Variants in ITPR2 observed in about 807,000 individuals in gnomAD.
ITPR2 encodes the protein inositol 1,4,5-trisphosphate receptor type 2, also known as inositol 1,4,5-trisphosphate-gated calcium channel ITPR2.
ITPR2 carries 207 observed loss-of-function variants against 317.1 expected under a neutral mutation model. The observed-to-expected ratio is 0.65, with a 90% confidence interval of 0.58 to 0.73. The LOEUF is 0.73. ITPR2 is among the 30% of genes least tolerant of loss of function. The pLI, the probability that ITPR2 is intolerant of heterozygous loss-of-function variation, is 0.00. For synonymous variants in ITPR2, 1,156 were observed against 1,149.1 expected (o/e 1.01, Z -0.12); for missense variants, 2,613 against 3,284.0 (o/e 0.80, Z 4.99).
intron 54 of ITPR2, among the ~76,000 whole-genome samples, chr12:26,393,471 TA>T (rs1157890861): frequency 4.0e-5 from 6 of 151,256 alleles, no homozygotes; most frequent in Non-Finnish European, 8.8e-5. Context: ...CAAGGTCCTT[TA>T]AGGGAAGGGA....
chr12:26,753,187 T>C (rs1384203883), intron 2 of ITPR2, among the ~76,000 whole-genome samples: 4 of 152,104 alleles, frequency 2.6e-5, no homozygotes, highest in Non-Finnish European at 5.9e-5. Flanking sequence ...TGACCTTGGG[T>C]TAAAGGCCTA....
chr12:26,767,212 C>T (rs1949736589), intron 2 of ITPR2, among the ~76,000 whole-genome samples: 1 of 152,126 alleles, frequency 6.6e-6, no homozygotes, highest in South Asian at 2.1e-4. Flanking sequence ...TACTGCAGTT[C>T]AAATTAAAGC....
At chr12:26,776,297 G>T (rs1334121744) in intron 2 of ITPR2, among the ~76,000 whole-genome samples, 1 of 152,100 alleles carries the variant, frequency 6.6e-6, no homozygotes, top group Non-Finnish European at 1.5e-5. Context: ...AATGAAGTTG[G>T]TTGGTTGCTC....
At chr12:26,451,956 C>T (rs1186560745) in intron 45 of ITPR2, among the ~76,000 whole-genome samples, 1 of 152,158 alleles carries the variant, frequency 6.6e-6, no homozygotes, top group Non-Finnish European at 1.5e-5. Context: ...AACTTTCCTA[C>T]AGACTGCTAA....
chr12:26,807,805 C>G (rs750625457), intron 1 of ITPR2, among the ~76,000 whole-genome samples: 1 of 152,140 alleles, frequency 6.6e-6, no homozygotes, highest in Non-Finnish European at 1.5e-5. Flanking sequence ...AAACTATTCA[C>G]GAAAGGTGCC....
At chr12:26,613,147 C>T (rs1946309554) in intron 26 of ITPR2, among the ~76,000 whole-genome samples, 1 of 152,130 alleles carries the variant, frequency 6.6e-6, no homozygotes, top group Non-Finnish European at 1.5e-5. Flanking sequence ...TGCACAAAGG[C>T]AAGTTAGCAT....
chr12:26,609,962 T>C (rs940446945), intron 26 of ITPR2, among the ~76,000 whole-genome samples: 1 of 152,174 alleles, frequency 6.6e-6, no homozygotes, highest in African/African-American at 2.4e-5. Flanking sequence ...GACATAAGTA[T>C]GGGAATATGT....
chr12:26,751,840 T>C (rs530962765), intron 2 of ITPR2, among the ~76,000 whole-genome samples: 12 of 150,370 alleles, frequency 8.0e-5, no homozygotes, highest in African/African-American at 2.7e-4. Flanking sequence ...CACTCCAGCC[T>C]GGGCGACAGA....
In ITPR2 at chr12:26,657,712, A is replaced by G. The variant is rs761002342; in HGVS notation, c.2187T>C (p.Tyr729=). 1.2e-6 allele frequency: 2 copies of G among 1,613,522 alleles called. No individual in the cohort carries two copies. Among genetic ancestry groups the G allele is most frequent in the East Asian group, 4.5e-5 (2 of 44,870 alleles). The change falls in exon 18 of 57, where the codon TAT becomes TAC. Residue 729 remains tyrosine (Y), a synonymous_variant. Transcript: ENST00000381340. ...GTKADLEVLT[Y]YRYQLNLFAR... ...GATTGTCTATAATACTTAACCTGTAATAGGTAAGAACTTCTAAGTCAGCTT... is the reference window on the plus strand; with the variant it reads ...GATTGTCTATAATACTTAACCTGTAGTAGGTAAGAACTTCTAAGTCAGCTT...
At chr12:26,363,489 G>T (rs973125361) in intron 55 of ITPR2, among the ~76,000 whole-genome samples, 2 of 150,716 alleles carry the variant, frequency 1.3e-5, no homozygotes, top group Non-Finnish European at 3.0e-5. Flanking sequence ...TGGAAAAATT[G>T]TCTTCCATGA....
At chr12:26,378,865 A>G (rs1222888130) in intron 55 of ITPR2, among the ~76,000 whole-genome samples, 2 of 151,806 alleles carry the variant, frequency 1.3e-5, no homozygotes, top group African/African-American at 2.4e-5. Context: ...TTTTTTTCCT[A>G]TTTGAATTCC....
At chr12:26,757,210 C>A (rs912190231) in intron 2 of ITPR2, among the ~76,000 whole-genome samples, 1 of 149,464 alleles carries the variant, frequency 6.7e-6, no homozygotes, top group Non-Finnish European at 1.5e-5. Flanking sequence ...TCTTCTATTC[C>A]TTTACTTTCT....
At chr12:26,497,155 C>CTTTTTT (rs573079284) in intron 37 of ITPR2, among the ~76,000 whole-genome samples, 3 of 134,410 alleles carry the variant, frequency 2.2e-5, no homozygotes, top group African/African-American at 8.6e-5. Context: ...ATTTCTCTCT[C>CTTTTTT]TTTTTTTTTT....
intron 26 of ITPR2, among the ~76,000 whole-genome samples, chr12:26,607,320 AT>A (rs1462070848): frequency 1.3e-5 from 2 of 152,126 alleles, no homozygotes; most frequent in African/African-American, 2.4e-5. Context: ...GCAAAAAAAA[AT>A]TTTAATAACC....
rs546396415 is a variant in ITPR2, at chr12:26,414,409, AT to A, written c.7306+893del. On this transcript the variant is annotated intron_variant, in intron 51 of 56. Coordinates refer to ENST00000381340, the MANE Select transcript of ITPR2 (RefSeq NM_002223.4). ...CCATTTGCAAGGCATCACTAATTAA[AT>A]CCTAGTTTTACATTTAACGGTTTGA... 2.1e-3 allele frequency among the ~76,000 whole-genome samples: 317 copies of A among 152,250 alleles called. 1 individual carries two copies. The highest frequency in any genetic ancestry group is 6.5e-3 in the African/African-American group (268 of 41,544).
At chr12:26,484,337 C>G (rs1345810325) in intron 41 of ITPR2, among the ~76,000 whole-genome samples, 2 of 151,694 alleles carry the variant, frequency 1.3e-5, no homozygotes, top group Non-Finnish European at 2.9e-5. Flanking sequence ...TATAAATAAT[C>G]TCATATGAAC....
chr12:26,619,084 T>C (rs1946437722), intron 26 of ITPR2, among the ~76,000 whole-genome samples: 1 of 152,188 alleles, frequency 6.6e-6, no homozygotes. Context: ...CTACCTCAGG[T>C]GGTACTGAAT....
chr12:26,784,319 G>GCCCTCGCCCTCGC (rs1565762490), intron 2 of ITPR2, among the ~76,000 whole-genome samples: 16 of 31,706 alleles, frequency 5.0e-4, no homozygotes, highest in South Asian at 1.6e-3. Flanking sequence ...CTCTCCCTCT[G>GCCCTCGCCCTCGC]CCTCTCCCTC....
chr12:26,666,367 C>A (rs562223558), intron 13 of ITPR2, among the ~76,000 whole-genome samples: 4 of 152,094 alleles, frequency 2.6e-5, no homozygotes, highest in African/African-American at 9.7e-5. Flanking sequence ...TCTCTACTTG[C>A]GCCTCCAGTT....
Sources: allele counts gnomAD v4.1 joint callset (sites outside exome capture counted in the v4.1 genomes callset), GRCh38; gene constraint gnomAD v4.1.1; transcripts MANE v1.5; gene names NCBI Gene and HGNC (gene_info 2026-07-23, HGNC 2026-07-21).